The following PCDHGA7 variants were observed in gnomAD, a reference collection of about 807,000 sequenced individuals.
The protein encoded by PCDHGA7 is protocadherin gamma-A7.
In PCDHGA7, 44 loss-of-function variants were observed where a neutral mutation model predicts 58.3. That is an observed-to-expected ratio of 0.75 (90% confidence interval 0.59 to 0.97). The LOEUF (loss-of-function observed/expected upper bound fraction) is 0.97. PCDHGA7 is among the 50% of genes least tolerant of loss of function. PCDHGA7 has a pLI of 0.00. For synonymous variants in PCDHGA7, 516 were observed against 504.2 expected (o/e 1.02, Z -0.31); for missense variants, 1,266 against 1,188.7 (o/e 1.06, Z -0.96).
intron 1 of PCDHGA7, chr5:141,396,605 G>A (rs2093403616): frequency 6.6e-6 from 1 of 151,594 alleles, no homozygotes; most frequent in Non-Finnish European, 1.5e-5. Flanking sequence ...GGGCAACAGG[G>A]TGAGACTCCG....
rs190245807 is a variant in PCDHGA7, at chr5:141,384,375, C to T, written c.1476C>T (p.Ala492=). 1 of 1,613,912 alleles carries T rather than the reference C, an allele frequency of 6.2e-7. No individual in the cohort carries two copies. The highest frequency in any genetic ancestry group is 1.1e-5 in the South Asian group (1 of 91,090). ...ATGCCCAGATCACTTATTCCTTGGC[C>T]GAAGACACCATCCAGGGGGCTCCAG... The part of the protein sequence containing the change: ...EDNAQITYSL[A]EDTIQGAPVS... The change falls in exon 1 of 4, where the codon GCC becomes GCT. Residue 492 remains alanine, a synonymous_variant. Transcript: ENST00000518325.
chr5:141,405,431 T>TGTTTTTGA (rs1428153443), intron 1 of PCDHGA7: 4 of 1,490,528 alleles, frequency 2.7e-6, no homozygotes, highest in Non-Finnish European at 2.7e-6. Flanking sequence ...TGTTTTGTTT[T>TGTTTTTGA]GTTTTTGAGA....
intron 1 of PCDHGA7, chr5:141,417,729 G>T (rs1175282861): frequency 1.6e-5 from 22 of 1,376,276 alleles, no homozygotes; most frequent in African/African-American, 8.8e-5. Context: ...CGCAGACCTT[G>T]CCCAGCACAC....
intron 1 of PCDHGA7, chr5:141,428,067 G>A (rs753358896): frequency 6.2e-7 from 1 of 1,609,228 alleles, no homozygotes; most frequent in South Asian, 1.1e-5. Flanking sequence ...GGTGGACGCA[G>A]ATTCGGGACA....
At chr5:141,484,501 A>G (rs1185523120) in intron 1 of PCDHGA7, among the ~76,000 whole-genome samples, 2 of 152,232 alleles carry the variant, frequency 1.3e-5, no homozygotes, top group African/African-American at 4.8e-5. Flanking sequence ...GTTTCTGAAT[A>G]TTCTGCAGAA....
At chr5:141,421,508 A>G (rs780491148) in intron 1 of PCDHGA7, 1 of 1,614,046 alleles carries the variant, frequency 6.2e-7, no homozygotes, top group Non-Finnish European at 8.5e-7. Flanking sequence ...ATAGACCGGG[A>G]GGAGCTCTGT....
intron 1 of PCDHGA7, chr5:141,394,893 G>T: frequency 4.3e-6 from 7 of 1,613,858 alleles, no homozygotes; most frequent in Non-Finnish European, 5.9e-6. Flanking sequence ...ACTCTATCTC[G>T]TGGTGGCAGT....
In PCDHGA7 at chr5:141,486,476, C is replaced by G. The variant is rs765887978; in HGVS notation, c.2425-8331C>G. The G allele has an allele frequency of 5.0e-6, 8 of 1,613,934 alleles. No homozygotes were observed. In the South Asian group the frequency reaches 7.7e-5, roughly 16 times the overall value. ...TGCTTCTGATGCTGGGAACCCTCCTCTCAGTACCCACAGAACTATTTTCCT... is the reference window on the plus strand; with the variant it reads ...TGCTTCTGATGCTGGGAACCCTCCTGTCAGTACCCACAGAACTATTTTCCT... On this transcript the variant is annotated intron_variant, in intron 1 of 3. Coordinates refer to ENST00000518325, the MANE Select transcript of PCDHGA7 (RefSeq NM_018920.4). The surrounding 1 kb of genome is among the most constrained non-coding windows in gnomAD (Gnocchi z 5.0).
intron 1 of PCDHGA7, chr5:141,408,241 G>A: frequency 1.3e-6 from 2 of 1,580,050 alleles, no homozygotes; most frequent in Non-Finnish European, 1.7e-6. Flanking sequence ...GGGCCGGCCC[G>A]CGGCAGGTGC....
At chr5:141,392,820 G>T in intron 1 of PCDHGA7, 1 of 1,592,868 alleles carries the variant, frequency 6.3e-7, no homozygotes. Flanking sequence ...AACAATGGCC[G>T]CTCCACAGAG....
chr5:141,399,287 C>G (rs1393904771), intron 1 of PCDHGA7: 1 of 1,613,912 alleles, frequency 6.2e-7, no homozygotes, highest in Non-Finnish European at 8.5e-7. Context: ...GGCGAAGTCC[C>G]TTTTAAGATT....
In PCDHGA7 at chr5:141,511,346, C is replaced by T; in HGVS notation, c.*173C>T. 7.1e-7 allele frequency: 1 copy of T among 1,400,168 alleles called. No homozygotes were observed. The allele number at this position is 1,400,168 out of a possible 1,614,324, so 86.7% of individuals were successfully genotyped here. A position where few individuals can be genotyped will look rare whatever the true frequency, so the allele number is the denominator to read the frequency against. On this transcript the variant is annotated 3_prime_UTR_variant, in exon 4 of 4. Transcript: ENST00000518325. ...AGTGCCCAGTCAGCACCTACCCCTT[C>T]CCCCCCAGGGGGTTGAATATGCAAA...
In PCDHGA7 at chr5:141,423,305, A is replaced by G. The variant is rs746680027; in HGVS notation, c.2424+37982A>G. On this transcript the variant is annotated intron_variant, in intron 1 of 3. Coordinates refer to ENST00000518325, the MANE Select transcript of PCDHGA7 (RefSeq NM_018920.4). Reference sequence around the variant, plus strand: ...TCTGAAACCTCAGACCTCTCGCTGTACTTGGTGGTGGCGGTGGCCGCAGTC... The same window carrying G: ...TCTGAAACCTCAGACCTCTCGCTGTGCTTGGTGGTGGCGGTGGCCGCAGTC... 23 of 1,613,944 alleles carry G rather than the reference A, an allele frequency of 1.4e-5. No individual in the cohort carries two copies. Among genetic ancestry groups the G allele is most frequent in the Non-Finnish European group, 1.9e-5 (22 of 1,180,004 alleles).
chr5:141,407,954 G>A, intron 1 of PCDHGA7: 1 of 640,866 alleles, frequency 1.6e-6, no homozygotes, highest in East Asian at 3.0e-5. Flanking sequence ...GTCGGCCAGT[G>A]CAGAGCAAGC....
Position 141,382,880 on chromosome 5 carries a change from G to A in PCDHGA7, c.-20G>A. The A allele has an allele frequency of 6.5e-7, 1 of 1,526,962 alleles. No homozygotes were observed. Among genetic ancestry groups the A allele is most frequent in the Non-Finnish European group, 8.8e-7 (1 of 1,139,390 alleles). The allele number at this position is 1,526,962 out of a possible 1,614,324, so 94.6% of individuals were successfully genotyped here. Reference sequence around the variant, plus strand: ...AGCACTTCCCGAGATCGGCGCCTAAGCAAGAGAAGCAGGACGACTATGGCG... The same window carrying A: ...AGCACTTCCCGAGATCGGCGCCTAAACAAGAGAAGCAGGACGACTATGGCG... On this transcript the variant is annotated 5_prime_UTR_variant, in exon 1 of 4. Coordinates refer to ENST00000518325, the MANE Select transcript of PCDHGA7 (RefSeq NM_018920.4).
Position 141,420,249 on chromosome 5 carries a change from A to C in PCDHGA7, c.2424+34926A>C. 4 of 1,580,072 alleles carry C rather than the reference A, an allele frequency of 2.5e-6. No homozygotes were observed. In the Admixed American group the frequency reaches 7.3e-5, roughly 29 times the overall value. On this transcript the variant is annotated intron_variant, in intron 1 of 3. Transcript: ENST00000518325. The stretch of plus-strand genomic sequence containing the variant: ...GCTAGCATTTTAACTCCCAGCGTTG[A>C]AGCAGATAAGAAGATTCTTAAACAG...
intron 1 of PCDHGA7, chr5:141,419,843 C>T: frequency 6.2e-7 from 1 of 1,614,070 alleles, no homozygotes; most frequent in Non-Finnish European, 8.5e-7. Flanking sequence ...CACGCTGCAC[C>T]TGGTGTTCGC....
chr5:141,419,905 T>G (rs916259620), intron 1 of PCDHGA7: 23 of 1,613,978 alleles, frequency 1.4e-5, no homozygotes, highest in Non-Finnish European at 1.9e-5. Context: ...CCACACCCTC[T>G]GACTCCCAGG....
chr5:141,487,031 G>A lies in PCDHGA7; in HGVS notation c.2425-7776G>A, dbSNP rs749130369. 1.2e-6 allele frequency: 2 copies of A among 1,614,182 alleles called. No homozygotes were observed. Among genetic ancestry groups the A allele is most frequent in the Non-Finnish European group, 1.7e-6 (2 of 1,180,028 alleles). On this transcript the variant is annotated intron_variant, in intron 1 of 3. Coordinates refer to ENST00000518325, the MANE Select transcript of PCDHGA7 (RefSeq NM_018920.4). The surrounding 1 kb of genome is among the most constrained non-coding windows in gnomAD (Gnocchi z 5.0). ...GGAGGCCCCAGATCCCAGCCTGTTT[G>A]CAGTCTCTCGATATGCTGGGGAGGT...
Sources: allele counts gnomAD v4.1 joint callset (sites outside exome capture counted in the v4.1 genomes callset), GRCh38; gene constraint gnomAD v4.1.1; non-coding constraint Gnocchi (gnomAD v3.1); transcripts MANE v1.5; gene names NCBI Gene and HGNC (gene_info 2026-07-23, HGNC 2026-07-21).